Variants in SERINC5 observed in about 807,000 individuals in gnomAD.
SERINC5 encodes the protein serine incorporator 5.
Under a neutral mutation model 63.1 loss-of-function variants are expected in SERINC5, and 41 were observed. The ratio of observed to expected loss-of-function variants is 0.65; its 90% CI spans 0.51 to 0.84. SERINC5 has a LOEUF of 0.84. Among genes scored for constraint, SERINC5 ranks in the 40% least tolerant of loss-of-function variants. SERINC5 has a pLI of 0.00. For missense variants in SERINC5, 523 were observed against 573.0 expected, an observed-to-expected ratio of 0.91 and a Z score of 0.89; for synonymous variants, 222 against 215.2, an observed-to-expected ratio of 1.03 and a Z score of -0.28.
intron 8 of SERINC5, 52 bp downstream of exon 8, chr5:80,158,784 C>A (rs1746696407): frequency 1.6e-5 from 25 of 1,559,798 alleles, no homozygotes; most frequent in Non-Finnish European, 2.1e-5. Flanking sequence ...CAATTCTTTT[C>A]CTGTAATTTT....
intron 11 of SERINC5, among the ~76,000 whole-genome samples, chr5:80,118,784 C>G (rs2112228457): frequency 6.9e-6 from 1 of 145,430 alleles, no homozygotes; most frequent in African/African-American, 2.6e-5. Flanking sequence ...GCTGGTCTCG[C>G]ACTCCTGGCC....
chr5:80,116,630 G>GTCAT lies in SERINC5; in HGVS notation c.1239-3006_1239-3005insATGA, dbSNP rs1181238609. Among the ~76,000 whole-genome samples, 22 of 152,140 alleles carry GTCAT rather than the reference G, an allele frequency of 1.4e-4. 1 individual carries two copies. In the East Asian group the frequency reaches 4.3e-3, roughly 29 times the overall value. ...TACCTACCAAGAGGATGACATAAAT[G>GTCAT]CCTCCTGTGGCCCTGAGATAGGCAG... On this transcript the variant is annotated intron_variant, in intron 11 of 12. Coordinates refer to the SERINC5 transcript ENST00000509193.
rs966775752 is a variant in SERINC5, at chr5:80,143,266, G to A, written c.*397C>T. 29 of 1,002,302 alleles carry A rather than the reference G, an allele frequency of 2.9e-5. No individual in the cohort carries two copies. Among genetic ancestry groups the A allele is most frequent in the Admixed American group, 1.1e-4 (2 of 17,832 alleles). 62.1% of individuals were successfully genotyped at this position (1,002,302 alleles called of 1,614,324 possible). On this transcript the variant is annotated 3_prime_UTR_variant, in exon 12 of 12. Transcript: ENST00000507668. ...AGGGGTCTGGATTCTGTTAGGCGCT[G>A]GGGACTCAAGATTTTGGCATGTTTT...
chr5:80,205,842 C>T (rs902989305), intron 1 of SERINC5, among the ~76,000 whole-genome samples: 6 of 151,902 alleles, frequency 3.9e-5, no homozygotes, highest in Non-Finnish European at 5.9e-5. Flanking sequence ...CCAAGGCAGG[C>T]GGATCGTGAG....
intron 7 of SERINC5, among the ~76,000 whole-genome samples, chr5:80,164,643 C>G (rs1432934108): frequency 6.6e-6 from 1 of 152,112 alleles, no homozygotes; most frequent in Non-Finnish European, 1.5e-5. Context: ...CTCAACCTCC[C>G]AAAGTGCTAG....
At chr5:80,255,772 G>T in intron 1 of SERINC5, 124 bp downstream of exon 1, 1 of 994,980 alleles carries the variant, frequency 1.0e-6, no homozygotes, top group South Asian at 1.5e-5. Flanking sequence ...CAGCCCGAGC[G>T]ACCCACCCGG....
At chr5:80,211,368 G>C (rs1750422830) in intron 1 of SERINC5, among the ~76,000 whole-genome samples, 1 of 145,790 alleles carries the variant, frequency 6.9e-6, no homozygotes, top group South Asian at 2.2e-4. Flanking sequence ...ACACAGCACA[G>C]GTTCCCGAGT....
intron 5 of SERINC5, among the ~76,000 whole-genome samples, chr5:80,173,522 G>A (rs1747817062): frequency 6.6e-6 from 1 of 152,168 alleles, no homozygotes; most frequent in Non-Finnish European, 1.5e-5. Context: ...CACGAACCCG[G>A]GAGGCGGAGC....
chr5:80,137,654 A>T (rs1020684169), downstream of SERINC5, among the ~76,000 whole-genome samples: 1 of 150,568 alleles, frequency 6.6e-6, no homozygotes, highest in African/African-American at 2.4e-5. Flanking sequence ...AAAAAAAAAA[A>T]AAGTGAGCTG....
At chr5:80,253,922 G>T (rs1229500997) in intron 1 of SERINC5, among the ~76,000 whole-genome samples, 1 of 152,164 alleles carries the variant, frequency 6.6e-6, no homozygotes, top group Non-Finnish European at 1.5e-5. Flanking sequence ...GTGAGGTTTT[G>T]TTTGCTTTCC....
chr5:80,226,054 A>AAT (rs397698619), intron 1 of SERINC5, among the ~76,000 whole-genome samples: 1 of 147,038 alleles, frequency 6.8e-6, no homozygotes, highest in Non-Finnish European at 1.5e-5. Context: ...AAAAAAAAAA[A>AAT]CCACCCCCCT....
At chr5:80,148,016 G>A (rs537775440) in intron 9 of SERINC5, among the ~76,000 whole-genome samples, 66 of 152,116 alleles carry the variant, frequency 4.3e-4, no homozygotes, top group Non-Finnish European at 5.3e-4. Context: ...TAGGTAACAC[G>A]TGGTATCTAG....
intron 1 of SERINC5, among the ~76,000 whole-genome samples, chr5:80,249,622 G>C (rs1752315619): frequency 6.6e-6 from 1 of 151,994 alleles, no homozygotes; most frequent in Non-Finnish European, 1.5e-5. Context: ...AGCCAACATG[G>C]GGAAACCCCA....
Position 80,164,910 on chromosome 5 carries a change from G to GTTTTTTTT in SERINC5, c.859+1465_859+1472dup, listed in dbSNP as rs70982026. ...TGAAATTTAAAATAACTTTTTTTCT[G>GTTTTTTTT]TTTTTTTTTTTTTTTTTTTTTTGTA... On this transcript the variant is annotated intron_variant, in intron 7 of 11. Coordinates refer to ENST00000507668, the MANE Select transcript of SERINC5 (RefSeq NM_001174072.3). Among the ~76,000 whole-genome samples, 345 of 85,194 alleles carry GTTTTTTTT rather than the reference G, an allele frequency of 4.0e-3. 11 individuals carry two copies. The highest frequency in any genetic ancestry group is 7.7e-3 in the African/African-American group (157 of 20,462). The allele number at this position is 85,194 out of a possible 152,430, so 55.9% of individuals were successfully genotyped here. A position where few individuals can be genotyped will look rare whatever the true frequency, so the allele number is the denominator to read the frequency against.
chr5:80,142,784 TA>T lies in SERINC5; in HGVS notation c.*878del, dbSNP rs1745588361. ...CGAAGCAGCTTTTCAGTTAAGGTCC[TA>T]AAAGTATTATCATTATCAACAGCAC... On this transcript the variant is annotated 3_prime_UTR_variant, in exon 12 of 12. Coordinates refer to ENST00000507668, the MANE Select transcript of SERINC5 (RefSeq NM_001174072.3). The T allele has an allele frequency of 2.0e-6, 2 of 985,474 alleles. No individual in the cohort carries two copies. The highest frequency in any genetic ancestry group is 4.7e-5 in the South Asian group (1 of 21,288). 61.0% of individuals were successfully genotyped at this position (985,474 alleles called of 1,614,324 possible).
chr5:80,241,673 C>T (rs950609010), intron 1 of SERINC5, among the ~76,000 whole-genome samples: 8 of 151,780 alleles, frequency 5.3e-5, no homozygotes, highest in African/African-American at 1.9e-4. Flanking sequence ...TGCACCCCAG[C>T]CTGGGTGACA....
rs569215248 is a variant in SERINC5 at position 80,144,224 on chromosome 5, GATAGAGCAC to G, written c.1239-423_1239-415del. Among the ~76,000 whole-genome samples, 1,077 of 152,318 alleles carry G rather than the reference GATAGAGCAC, an allele frequency of 7.1e-3. 13 individuals are homozygous for G. The highest frequency in any genetic ancestry group is 0.025 in the African/African-American group (1,021 of 41,564). ...CTGCTAAATAGTATCTTATTGTATG[GATAGAGCAC>G]ATTTTGTTTAGGCAGTCACCAGCTG... On this transcript the variant is annotated intron_variant, in intron 11 of 11. Coordinates refer to ENST00000507668, the MANE Select transcript of SERINC5 (RefSeq NM_001174072.3).
At chr5:80,148,186 A>ATTTTTTTTTTT (rs1561368296) in intron 9 of SERINC5, among the ~76,000 whole-genome samples, 2 of 86,306 alleles carry the variant, frequency 2.3e-5, no homozygotes, top group Non-Finnish European at 4.8e-5. Context: ...CGTATTTTTT[A>ATTTTTTTTTTT]TTCTTTTTTT....
downstream of SERINC5, among the ~76,000 whole-genome samples, chr5:80,135,813 T>A (rs1269095224): frequency 1.3e-5 from 2 of 148,224 alleles, no homozygotes; most frequent in Non-Finnish European, 3.0e-5. Flanking sequence ...AGCAACTAGA[T>A]AGCACAATCA....
Sources: allele counts gnomAD v4.1 joint callset (sites outside exome capture counted in the v4.1 genomes callset), GRCh38; gene constraint gnomAD v4.1.1; transcripts MANE v1.5; gene names NCBI Gene and HGNC (gene_info 2026-07-23, HGNC 2026-07-21).